Variants in TMEM191C observed in about 807,000 individuals in gnomAD.
The protein encoded by TMEM191C is transmembrane protein 191C, also known as KB-1323B2.6.
TMEM191C carries 26 observed loss-of-function variants against 37.1 expected under a neutral mutation model. The ratio of observed to expected loss-of-function variants is 0.70; its 90% CI spans 0.51 to 0.97. The LOEUF (loss-of-function observed/expected upper bound fraction) is 0.97. Ranked by LOEUF, TMEM191C falls within the 50% of genes least tolerant of loss-of-function variation. TMEM191C has a pLI of 0.00. For missense variants in TMEM191C, 240 were observed against 294.7 expected, an observed-to-expected ratio of 0.81 and a Z score of 1.36; for synonymous variants, 115 against 143.7, an observed-to-expected ratio of 0.80 and a Z score of 1.43.
Position 21,469,541 on chromosome 22 carries a change from C to T in TMEM191C, c.704+7C>T, listed in dbSNP as rs781128718. 4 of 1,380,590 alleles carry T rather than the reference C, an allele frequency of 2.9e-6. No homozygotes were observed. The Admixed American group carries it at 1.6e-4, about 54-fold the overall frequency. The allele number at this position is 1,380,590 out of a possible 1,614,324, so 85.5% of individuals were successfully genotyped here. On this transcript the variant is annotated splice_region_variant and intron_variant, in intron 9 of 9. Coordinates refer to ENST00000536718, the MANE Select transcript of TMEM191C (RefSeq NM_001388354.1). Reference sequence around the variant, plus strand: ...CTCGCGCGCTGGCCATCAGGTGAGCCGGGCGGTGGGCGCGGCCGCGGTCCC... The same window carrying T: ...CTCGCGCGCTGGCCATCAGGTGAGCTGGGCGGTGGGCGCGGCCGCGGTCCC...
At chr22:21,468,289 G>A in intron 3 of TMEM191C, 65 bp from the exon 4 acceptor site, 1 of 1,534,928 alleles carries the variant, frequency 6.5e-7, no homozygotes, top group South Asian at 1.2e-5. Flanking sequence ...CCCCGTCCCT[G>A]TCTCCCCTGA....
chr22:21,468,123 T>C lies in TMEM191C; in HGVS notation c.280-29T>C, dbSNP rs764948346. On this transcript the variant is annotated intron_variant, in intron 2 of 9. Transcript: ENST00000536718. Reference sequence around the variant, plus strand: ...GGGTGAGGTAGGACCGGCGGAGAGGTCGGCACCGCCCCAGGACCCCGTCCG... The same window carrying C: ...GGGTGAGGTAGGACCGGCGGAGAGGCCGGCACCGCCCCAGGACCCCGTCCG... The C allele has an allele frequency of 2.0e-4, 294 of 1,469,316 alleles. 3 individuals are homozygous for C. The highest frequency in any genetic ancestry group is 1.5e-3 in the South Asian group (122 of 81,908). The allele number at this position is 1,469,316 out of a possible 1,614,324, so 91.0% of individuals were successfully genotyped here.
chr22:21,467,536 A>G lies in TMEM191C; in HGVS notation c.77A>G (p.Glu26Gly). The G allele has an allele frequency of 7.3e-7, 1 of 1,366,112 alleles. No homozygotes were observed. Among genetic ancestry groups the G allele is most frequent in the Non-Finnish European group, 9.8e-7 (1 of 1,022,544 alleles). 84.6% of individuals were successfully genotyped at this position (1,366,112 alleles called of 1,614,324 possible). Reference protein sequence around the residue: ...RDGRQRKQELEKLMRGLEAES... With the variant: ...RDGRQRKQELGKLMRGLEAES... ...GGTCGCCAGCGGAAGCAGGAGCTAG[A>G]GAAGCTGATGCGCGGGCTCGAGGCC... The change falls in exon 1 of 10, where the codon GAG becomes GGG. Residue 26 changes from glutamate (E) to glycine (G), a missense_variant. By Grantham distance (98) the Glu-to-Gly change is moderately conservative. Coordinates refer to ENST00000536718, the MANE Select transcript of TMEM191C (RefSeq NM_001388354.1).
chr22:21,469,423 C>T, intron 8 of TMEM191C, 71 bp from the exon 9 acceptor site: 5 of 1,315,520 alleles, frequency 3.8e-6, no homozygotes, highest in Non-Finnish European at 4.8e-6. Context: ...GTACCGCCTC[C>T]CCCTCCTCCT....
rs1187921257 is a variant in TMEM191C at position 21,467,551 on chromosome 22, G to A, written c.92G>A (p.Gly31Glu). The part of the protein sequence containing the change: ...RKQELEKLMR[G>E]LEAESESLNQ... ...CAGGAGCTAGAGAAGCTGATGCGCG[G>A]GCTCGAGGCCGAGAGCGAGAGCCTC... Residue 31 changes from glycine to glutamate, a missense_variant, in exon 1 of 10, where the codon GGG (glycine) becomes GAG (glutamate). Physicochemically the swap from Gly to Glu is moderately conservative, Grantham distance 98 (BLOSUM62 -2). Transcript: ENST00000536718. 4.7e-6 allele frequency: 7 copies of A among 1,479,174 alleles called. No individual in the cohort carries two copies. The highest frequency in any genetic ancestry group is 6.3e-6 in the Non-Finnish European group (7 of 1,119,944). The allele number at this position is 1,479,174 out of a possible 1,614,324, so 91.6% of individuals were successfully genotyped here.
At chr22:21,469,248 T>TC (rs1924649099) in intron 7 of TMEM191C, 26 bp from the exon 8 acceptor site, 1 of 1,496,262 alleles carries the variant, frequency 6.7e-7, no homozygotes, top group Non-Finnish European at 8.9e-7. Context: ...CGGGATGGGC[T>TC]CCCACCTGCA....
Position 21,469,490 on chromosome 22 carries a change from G to T in TMEM191C, c.664-4G>T. 7.4e-7 allele frequency: 1 copy of T among 1,351,780 alleles called. No homozygotes were observed. The highest frequency in any genetic ancestry group is 1.8e-5 in the South Asian group (1 of 57,040). The allele number at this position is 1,351,780 out of a possible 1,614,324, so 83.7% of individuals were successfully genotyped here. ...TAGCTGGATGCGGCCCTCTCTCCCC[G>T]CAGGAGACGCGGCTGTTCGGCGGCC... On this transcript the variant is annotated splice_polypyrimidine_tract_variant and splice_region_variant and intron_variant, in intron 8 of 9. Transcript: ENST00000536718.
rs1924599245 is a variant in TMEM191C at position 21,468,195 on chromosome 22, C to G, written c.323C>G (p.Ser108Trp). 2.6e-6 allele frequency: 4 copies of G among 1,524,666 alleles called. No individual in the cohort carries two copies. In the African/African-American group the frequency reaches 4.3e-5, roughly 16 times the overall value. The allele number at this position is 1,524,666 out of a possible 1,614,324, so 94.4% of individuals were successfully genotyped here. ...CTGCAGGAGCAGTGGGAGGAGCTGT[C>G]GAGTCAGGTACGTGCAGGAGATGGG... ...RQLQEQWEEL[S>W]SQLFYYGGEL... The change falls in exon 3 of 10, where the codon TCG becomes TGG. Residue 108 changes from serine (S) to tryptophan (W), a missense_variant. Physicochemically the swap from Ser to Trp is radical, Grantham distance 177. This residue lies in a region of TMEM191C where 130 missense variants were observed against 105.7 expected (regional missense o/e 1.23). Coordinates refer to ENST00000536718, the MANE Select transcript of TMEM191C (RefSeq NM_001388354.1).
chr22:21,467,500 A>C lies in TMEM191C; in HGVS notation c.41A>C (p.Asp14Ala). The C allele has an allele frequency of 1.8e-6, 1 of 554,282 alleles. No individual in the cohort carries two copies. Among genetic ancestry groups the C allele is most frequent in the Non-Finnish European group, 3.0e-6 (1 of 329,746 alleles). The allele number at this position is 554,282 out of a possible 1,614,324, so 34.3% of individuals were successfully genotyped here. ...TQELLLQLQK[D>A]NRDGRQRKQE... ...GAGCTGCTGCTGCAGTTGCAGAAGG[A>C]TAACCGAGATGGTCGCCAGCGGAAG... The change falls in exon 1 of 10, where the codon GAT becomes GCT. Residue 14 changes from aspartate to alanine, a missense_variant. By Grantham distance (126) the Asp-to-Ala change is moderately radical. This residue lies in a region of TMEM191C where 130 missense variants were observed against 105.7 expected (regional missense o/e 1.23). Coordinates refer to ENST00000536718, the MANE Select transcript of TMEM191C (RefSeq NM_001388354.1).
Position 21,467,555 on chromosome 22 carries a change from C to G in TMEM191C, c.96C>G (p.Leu32=), listed in dbSNP as rs1395500714. The change falls in exon 1 of 10, where the codon CTC becomes CTG. Residue 32 remains leucine (L), a synonymous_variant. Coordinates refer to ENST00000536718, the MANE Select transcript of TMEM191C (RefSeq NM_001388354.1). Reference sequence around the variant, plus strand: ...AGCTAGAGAAGCTGATGCGCGGGCTCGAGGCCGAGAGCGAGAGCCTCAACC... The same window carrying G: ...AGCTAGAGAAGCTGATGCGCGGGCTGGAGGCCGAGAGCGAGAGCCTCAACC... ...KQELEKLMRG[L]EAESESLNQR... The G allele has an allele frequency of 3.4e-6, 5 of 1,487,542 alleles. No individual in the cohort carries two copies. In the East Asian group the frequency reaches 9.9e-5, roughly 29 times the overall value. The allele number at this position is 1,487,542 out of a possible 1,614,324, so 92.1% of individuals were successfully genotyped here. A position where few individuals can be genotyped will look rare whatever the true frequency, so the allele number is the denominator to read the frequency against.
intron 9 of TMEM191C, 41 bp downstream of exon 9, chr22:21,469,575 C>T: frequency 7.2e-7 from 1 of 1,391,904 alleles, no homozygotes; most frequent in Non-Finnish European, 9.5e-7. Context: ...CCCCAGGTGC[C>T]CGCCCGAGTT....
In TMEM191C at chr22:21,469,884, C is replaced by T; in HGVS notation, c.*63C>T. 2.0e-6 allele frequency: 3 copies of T among 1,478,096 alleles called. No individual in the cohort carries two copies. The highest frequency in any genetic ancestry group is 1.3e-5 in the South Asian group (1 of 76,998). The allele number at this position is 1,478,096 out of a possible 1,614,324, so 91.6% of individuals were successfully genotyped here. On this transcript the variant is annotated 3_prime_UTR_variant, in exon 10 of 10. Transcript: ENST00000536718. ...GGCACCTGGCTTTATTTCTGGTGCA[C>T]TCCTCTCCTGAGAGTGTAGACCAAG...
In TMEM191C at chr22:21,469,363, G is replaced by C. The variant is rs1015690420; in HGVS notation, c.663+17G>C. ...GCGGACCGAGTGAGCGCCTGCGCGG[G>C]TCCGGGCGGGGTGGGCTGGAGCGGG... On this transcript the variant is annotated intron_variant, in intron 8 of 9. Coordinates refer to ENST00000536718, the MANE Select transcript of TMEM191C (RefSeq NM_001388354.1). 1,210 of 1,258,016 alleles carry C rather than the reference G, an allele frequency of 9.6e-4. 2 individuals carry two copies. The highest frequency in any genetic ancestry group is 2.5e-3 in the South Asian group (141 of 55,346). The allele number at this position is 1,258,016 out of a possible 1,614,324, so 77.9% of individuals were successfully genotyped here. A position where few individuals can be genotyped will look rare whatever the true frequency, so the allele number is the denominator to read the frequency against.
chr22:21,468,670 C>G, intron 4 of TMEM191C, 109 bp from the exon 5 acceptor site: 3 of 1,181,878 alleles, frequency 2.5e-6, no homozygotes, highest in Non-Finnish European at 3.6e-6. Context: ...AGGACGCGGG[C>G]GGGGTCATGA....
Position 21,468,427 on chromosome 22 carries a change from T to A in TMEM191C, c.404T>A (p.Leu135Gln). The A allele has an allele frequency of 6.5e-7, 1 of 1,527,474 alleles. No homozygotes were observed. Among genetic ancestry groups the A allele is most frequent in the Non-Finnish European group, 8.7e-7 (1 of 1,143,504 alleles). The allele number at this position is 1,527,474 out of a possible 1,614,324, so 94.6% of individuals were successfully genotyped here. ...EQQLAAQLVT[L>Q]QNELELAETK... ...CAACTCGCAGCCCAATTGGTGACGC[T>A]GCAGGTGCTTGAGCGGGACCCTGAG... The change falls in exon 4 of 10, where the codon CTG becomes CAG. Residue 135 changes from leucine (L) to glutamine (Q), a missense_variant. This residue lies in a region of TMEM191C where 34 missense variants were observed against 89.0 expected (regional missense o/e 0.38). Coordinates refer to ENST00000536718, the MANE Select transcript of TMEM191C (RefSeq NM_001388354.1).
Position 21,467,914 on chromosome 22 carries a change from A to G in TMEM191C, c.176A>G (p.Gln59Arg), listed in dbSNP as rs1291038218. 9 of 623,094 alleles carry G rather than the reference A, an allele frequency of 1.4e-5. No homozygotes were observed. The highest frequency in any genetic ancestry group is 2.1e-5 in the Non-Finnish European group (8 of 382,068). 38.6% of individuals were successfully genotyped at this position (623,094 alleles called of 1,614,324 possible). The change falls in exon 2 of 10, where the codon CAG becomes CGG. Residue 59 changes from glutamine (Q) to arginine (R), a missense_variant. Physicochemically the swap from Gln to Arg is conservative, Grantham distance 43 (BLOSUM62 1). This residue lies in a region of TMEM191C where 130 missense variants were observed against 105.7 expected (regional missense o/e 1.23). Transcript: ENST00000536718. ...RERSLLRRRS[Q>R]AAQPLQGEAR... ...TGCAGCCTGCTGCGGAGGCGAAGCCAGGCAGCGCAGCCTCTGCAAGGGGAG... is the reference window on the plus strand; with the variant it reads ...TGCAGCCTGCTGCGGAGGCGAAGCCGGGCAGCGCAGCCTCTGCAAGGGGAG...
rs1411131724 is a variant in TMEM191C at position 21,468,169 on chromosome 22, G to A, written c.297G>A (p.Gln99=). ...HKEYLEQHSR[Q]LQEQWEELSS... ...GTCCGCAGGAGCAGCACAGCAGGCA[G>A]CTGCAGGAGCAGTGGGAGGAGCTGT... Residue 99 remains glutamine, a synonymous_variant, in exon 3 of 10, where the codon CAG becomes CAA. Coordinates refer to ENST00000536718, the MANE Select transcript of TMEM191C (RefSeq NM_001388354.1). 7 of 1,518,124 alleles carry A rather than the reference G, an allele frequency of 4.6e-6. No individual in the cohort carries two copies. Among genetic ancestry groups the A allele is most frequent in the Non-Finnish European group, 6.1e-6 (7 of 1,141,032 alleles). The allele number at this position is 1,518,124 out of a possible 1,614,324, so 94.0% of individuals were successfully genotyped here. A position where few individuals can be genotyped will look rare whatever the true frequency, so the allele number is the denominator to read the frequency against.
In TMEM191C at chr22:21,469,671, G is replaced by A. The variant is rs1188685054; in HGVS notation, c.759G>A (p.Leu253=). Reference sequence around the variant, plus strand: ...TGCTGACGCTGCCGCTCCTCTTCCTGGGGCTGTCGCTGCTCTGGACGGTGC... The same window carrying A: ...TGCTGACGCTGCCGCTCCTCTTCCTAGGGCTGTCGCTGCTCTGGACGGTGC... ...QVLLTLPLLF[L]GLSLLWTVLL... The change falls in exon 10 of 10, where the codon CTG becomes CTA. Residue 253 remains leucine, a synonymous_variant. Transcript: ENST00000536718. The A allele has an allele frequency of 6.7e-5, 101 of 1,507,550 alleles. No individual in the cohort carries two copies. The highest frequency in any genetic ancestry group is 8.7e-5 in the Non-Finnish European group (99 of 1,135,292). 93.4% of individuals were successfully genotyped at this position (1,507,550 alleles called of 1,614,324 possible).
intron 4 of TMEM191C, 172 bp from the exon 5 acceptor site, chr22:21,468,607 C>G: frequency 1.6e-6 from 2 of 1,242,160 alleles, no homozygotes; most frequent in Non-Finnish European, 2.2e-6. Flanking sequence ...AGGGGCGGAG[C>G]GCGGAGGGGG....
Sources: gnomAD v4.1 joint callset for allele counts on GRCh38, gnomAD v4.1.1 for gene constraint, gnomAD v4.1.1 regional missense constraint, MANE v1.5 for transcripts, NCBI Gene and HGNC (gene_info 2026-07-23, HGNC 2026-07-21) for gene names.